The following PDE7B variants were observed in gnomAD, a reference collection of about 807,000 sequenced individuals.
PDE7B encodes phosphodiesterase 7B.
Under a neutral mutation model 56.2 loss-of-function variants are expected in PDE7B, and 29 were observed. That is an observed-to-expected ratio of 0.52 (90% confidence interval 0.38 to 0.70). The LOEUF is 0.70. PDE7B is among the 30% of genes least tolerant of loss of function. PDE7B has a pLI of 0.00. For missense variants in PDE7B, 490 were observed against 565.0 expected, an observed-to-expected ratio of 0.87 and a Z score of 1.35; for synonymous variants, 197 against 196.9, an observed-to-expected ratio of 1.00 and a Z score of 0.00.
chr6:136,005,523 C>A (rs1159593011), intron 2 of PDE7B, among the ~76,000 whole-genome samples: 2 of 152,212 alleles, frequency 1.3e-5, no homozygotes, highest in East Asian at 1.9e-4. Flanking sequence ...AGACAAACAA[C>A]CCCATTGAAA....
intron 2 of PDE7B, among the ~76,000 whole-genome samples, chr6:136,078,808 A>G (rs1156804451): frequency 6.6e-6 from 1 of 152,182 alleles, no homozygotes; most frequent in Non-Finnish European, 1.5e-5. Context: ...TACACTCATA[A>G]AATAGCCTTA....
chr6:136,064,148 C>A (rs188149160), intron 2 of PDE7B, among the ~76,000 whole-genome samples: 1 of 152,090 alleles, frequency 6.6e-6, no homozygotes, highest in East Asian at 1.9e-4. Flanking sequence ...TTTGTTTTAG[C>A]GTGCAATGGA....
intron 2 of PDE7B, among the ~76,000 whole-genome samples, chr6:136,000,592 G>C (rs111751906): frequency 1.8e-3 from 278 of 152,248 alleles, no homozygotes; most frequent in Non-Finnish European, 3.2e-3. Context: ...TTTCTATTTT[G>C]TTCCATGTAT....
chr6:135,955,691 G>C (rs987176858), intron 2 of PDE7B, among the ~76,000 whole-genome samples: 1 of 152,102 alleles, frequency 6.6e-6, no homozygotes, highest in Non-Finnish European at 1.5e-5. Flanking sequence ...AGAAAGACTA[G>C]TTTAGGGAAC....
At chr6:136,164,289 C>T (rs1778758363) in intron 8 of PDE7B, among the ~76,000 whole-genome samples, 1 of 152,020 alleles carries the variant, frequency 6.6e-6, no homozygotes, top group Admixed American at 6.5e-5. Context: ...CATCAGATCT[C>T]ATGAGAACTC....
chr6:136,031,339 T>C (rs1025883424), intron 2 of PDE7B, among the ~76,000 whole-genome samples: 1 of 152,376 alleles, frequency 6.6e-6, no homozygotes, highest in African/African-American at 2.4e-5. Context: ...ATCTGCATTT[T>C]AATGGAATCC....
intron 1 of PDE7B, among the ~76,000 whole-genome samples, chr6:135,899,205 T>G (rs1015665506): frequency 1.3e-5 from 2 of 152,154 alleles, no homozygotes; most frequent in Non-Finnish European, 2.9e-5. Context: ...CTTTATAAAT[T>G]ACCCAGTCTC....
chr6:136,089,092 T>C (rs1777341206), intron 2 of PDE7B, among the ~76,000 whole-genome samples: 1 of 152,130 alleles, frequency 6.6e-6, no homozygotes, highest in African/African-American at 2.4e-5. Flanking sequence ...CAGTACCTCA[T>C]TTTCTATTAC....
chr6:135,907,685 C>T (rs1021041732), intron 1 of PDE7B, among the ~76,000 whole-genome samples: 18 of 152,020 alleles, frequency 1.2e-4, no homozygotes, highest in African/African-American at 3.1e-4. Flanking sequence ...TTTACATTTA[C>T]AGCTTAGTAC....
At chr6:135,999,744 A>T (rs1158708105) in intron 2 of PDE7B, among the ~76,000 whole-genome samples, 2 of 151,940 alleles carry the variant, frequency 1.3e-5, no homozygotes, top group African/African-American at 4.8e-5. Flanking sequence ...GTGTCTTTAT[A>T]ATAAAATGAT....
intron 3 of PDE7B, among the ~76,000 whole-genome samples, chr6:136,142,207 T>C (rs1214434879): frequency 6.6e-6 from 1 of 152,228 alleles, no homozygotes; most frequent in African/African-American, 2.4e-5. Context: ...TTCATTTCGT[T>C]ATGTACCCAG....
Position 135,931,935 on chromosome 6 carries a change from GCA to G in PDE7B, c.22-15519_22-15518del, listed in dbSNP as rs1427302639. ...ATTTTTAAAACTTTTTTGTTACCGC[GCA>G]CACACACACGCGCGCGCACACACAC... On this transcript the variant is annotated intron_variant, in intron 1 of 12. Transcript: ENST00000308191. Among the ~76,000 whole-genome samples, 11 of 111,204 alleles carry G rather than the reference GCA, an allele frequency of 9.9e-5. No individual in the cohort carries two copies. In the South Asian group the frequency reaches 1.0e-3, roughly 10 times the overall value. The allele number at this position is 111,204 out of a possible 152,430, so 73.0% of individuals were successfully genotyped here.
chr6:135,992,200 C>T (rs2128205290), intron 2 of PDE7B, among the ~76,000 whole-genome samples: 1 of 135,474 alleles, frequency 7.4e-6, no homozygotes, highest in South Asian at 2.4e-4. Flanking sequence ...ACTAATGATA[C>T]CTGATGAGCT....
intron 1 of PDE7B, among the ~76,000 whole-genome samples, chr6:135,867,500 G>T (rs1775284672): frequency 6.6e-6 from 1 of 151,968 alleles, no homozygotes. Context: ...TGTGTCATGG[G>T]GATTTGCTGT....
At chr6:135,910,990 T>G (rs1368528814) in intron 1 of PDE7B, among the ~76,000 whole-genome samples, 1 of 152,146 alleles carries the variant, frequency 6.6e-6, no homozygotes, top group Non-Finnish European at 1.5e-5. Flanking sequence ...AAAAACAGAT[T>G]GGTGGGGCAG....
chr6:136,029,399 A>C (rs1776202470), intron 2 of PDE7B, among the ~76,000 whole-genome samples: 1 of 152,236 alleles, frequency 6.6e-6, no homozygotes, highest in Admixed American at 6.5e-5. Context: ...CACAAACATA[A>C]AATCAGCAAG....
At chr6:135,981,082 C>T in intron 2 of PDE7B, among the ~76,000 whole-genome samples, 1 of 150,380 alleles carries the variant, frequency 6.6e-6, no homozygotes, top group Admixed American at 6.7e-5. Context: ...GGCACATATA[C>T]ACCATGGAAT....
chr6:135,943,535 T>C (rs1774542550), intron 1 of PDE7B, among the ~76,000 whole-genome samples: 1 of 152,260 alleles, frequency 6.6e-6, no homozygotes, highest in African/African-American at 2.4e-5. Context: ...TCCAGTAAGC[T>C]GTCAACATTT....
At chr6:135,917,737 G>A (rs1037729108) in intron 1 of PDE7B, among the ~76,000 whole-genome samples, 1 of 152,040 alleles carries the variant, frequency 6.6e-6, no homozygotes, top group Non-Finnish European at 1.5e-5. Flanking sequence ...TTTAATAATT[G>A]TTGGATTTTG....
Sources: allele counts gnomAD v4.1 joint callset (sites outside exome capture counted in the v4.1 genomes callset), GRCh38; gene constraint gnomAD v4.1.1; transcripts MANE v1.5; gene names NCBI Gene and HGNC (gene_info 2026-07-23, HGNC 2026-07-21).